SNTB2: variants seen among roughly 807,000 people sequenced by gnomAD.
SNTB2 encodes syntrophin beta 2, also known as beta-2-syntrophin.
Under a neutral mutation model 46.2 loss-of-function variants are expected in SNTB2, and 34 were observed. The ratio of observed to expected loss-of-function variants is 0.74; its 90% CI spans 0.56 to 0.98. The LOEUF (loss-of-function observed/expected upper bound fraction) is 0.98. Ranked by LOEUF, SNTB2 falls within the 50% of genes least tolerant of loss-of-function variation. The pLI, the probability that SNTB2 is intolerant of heterozygous loss-of-function variation, is 0.00. For synonymous variants in SNTB2, 290 were observed against 312.6 expected (o/e 0.93, Z 0.76); for missense variants, 603 against 731.4 (o/e 0.82, Z 2.02).
chr16:69,241,883 C>G (rs988451062), intron 1 of SNTB2: 6 of 133,944 alleles, frequency 4.5e-5, no homozygotes, highest in Admixed American at 4.0e-4. Flanking sequence ...GAGCTGAGAT[C>G]ATGCCACTGC....
intron 1 of SNTB2, among the ~76,000 whole-genome samples, chr16:69,244,592 A>G (rs1043374006): frequency 2.0e-5 from 3 of 152,246 alleles, no homozygotes; most frequent in Non-Finnish European, 4.4e-5. Flanking sequence ...TGACTGAAGT[A>G]AAACAAGTAT....
intron 1 of SNTB2, among the ~76,000 whole-genome samples, chr16:69,233,711 A>G (rs1567403663): frequency 6.6e-6 from 1 of 152,092 alleles, no homozygotes; most frequent in South Asian, 2.1e-4. Flanking sequence ...GTATCTCAAT[A>G]CTTGTAATCC....
chr16:69,250,948 G>A (rs1421471890), intron 2 of SNTB2, among the ~76,000 whole-genome samples: 2 of 151,370 alleles, frequency 1.3e-5, no homozygotes, highest in African/African-American at 4.8e-5. Context: ...ATTTATCTCA[G>A]CTCTGTTAAA....
intron 4 of SNTB2, among the ~76,000 whole-genome samples, chr16:69,275,645 A>G (rs1413698626): frequency 6.6e-6 from 1 of 152,184 alleles, no homozygotes; most frequent in Non-Finnish European, 1.5e-5. Flanking sequence ...GCAAGGCCAG[A>G]AAGTGTTTTT....
chr16:69,244,580 C>T (rs1159877552), intron 1 of SNTB2, among the ~76,000 whole-genome samples: 1 of 152,122 alleles, frequency 6.6e-6, no homozygotes, highest in Non-Finnish European at 1.5e-5. Context: ...TAATTGTAGT[C>T]ATGACTGAAG....
At chr16:69,198,097 GA>G (rs1229468442) in intron 1 of SNTB2, among the ~76,000 whole-genome samples, 24 of 136,260 alleles carry the variant, frequency 1.8e-4, no homozygotes, top group East Asian at 1.0e-3. Flanking sequence ...TAACAGAGTT[GA>G]TTTTTTTTTT....
intron 4 of SNTB2, among the ~76,000 whole-genome samples, chr16:69,272,965 A>G (rs764384970): frequency 2.6e-5 from 4 of 152,158 alleles, no homozygotes; most frequent in Non-Finnish European, 5.9e-5. Context: ...CAAATGGCCA[A>G]TAGGAACATG....
chr16:69,282,093 CG>C (rs1365641146), intron 4 of SNTB2, among the ~76,000 whole-genome samples: 1 of 149,488 alleles, frequency 6.7e-6, no homozygotes, highest in East Asian at 2.1e-4. Flanking sequence ...TTAGTAGAGA[CG>C]GGGTTTTACC....
chr16:69,235,334 G>T (rs192599117), intron 1 of SNTB2, among the ~76,000 whole-genome samples: 1 of 152,036 alleles, frequency 6.6e-6, no homozygotes, highest in East Asian at 1.9e-4. Context: ...TCACTTCCTG[G>T]GCCTAGAACT....
intron 5 of SNTB2, among the ~76,000 whole-genome samples, chr16:69,286,068 C>T (rs1324155111): frequency 6.6e-6 from 1 of 152,118 alleles, no homozygotes; most frequent in African/African-American, 2.4e-5. Context: ...ACCTTGGCCT[C>T]CCAAAGTGCT....
At chr16:69,273,422 C>T (rs576608425) in intron 4 of SNTB2, among the ~76,000 whole-genome samples, 1 of 152,216 alleles carries the variant, frequency 6.6e-6, no homozygotes, top group South Asian at 2.1e-4. Flanking sequence ...CTGATACATT[C>T]TGCAGTGTAG....
chr16:69,288,246 G>A (rs1965124983), intron 5 of SNTB2, among the ~76,000 whole-genome samples: 1 of 152,078 alleles, frequency 6.6e-6, no homozygotes, highest in African/African-American at 2.4e-5. Context: ...GCATTTTTTA[G>A]TTCATGTTGT....
intron 1 of SNTB2, among the ~76,000 whole-genome samples, chr16:69,214,824 GC>G (rs1278437226): frequency 2.0e-5 from 3 of 151,498 alleles, no homozygotes; most frequent in Non-Finnish European, 4.4e-5. Flanking sequence ...ACCGTGCCTG[GC>G]CTGTTTTTTA....
At position 69,304,629 on chromosome 16, in the gene SNTB2, T is replaced by C. The variant is rs1189338378; in HGVS notation, c.*3705T>C. Reference sequence around the variant, plus strand: ...AACAAAGCTTTTCCAGCTGAATGAATGCACTTAGCTGATAAACCAGAATTT... The same window carrying C: ...AACAAAGCTTTTCCAGCTGAATGAACGCACTTAGCTGATAAACCAGAATTT... On this transcript the variant is annotated 3_prime_UTR_variant, in exon 7 of 7. Transcript: ENST00000336278. 6.6e-6 allele frequency: 1 copy of C among 152,176 alleles called. No homozygotes were observed. The highest frequency in any genetic ancestry group is 6.6e-5 in the Admixed American group (1 of 15,258). 9.4% of individuals were successfully genotyped at this position (152,176 alleles called of 1,614,324 possible).
At chr16:69,208,384 C>G (rs1964245511) in intron 1 of SNTB2, among the ~76,000 whole-genome samples, 1 of 143,574 alleles carries the variant, frequency 7.0e-6, no homozygotes. Context: ...CCAGCCTGGG[C>G]AACAAGAGCA....
Position 69,187,647 on chromosome 16 carries a change from G to T in SNTB2, c.481G>T (p.Asp161Tyr). 2 of 1,549,222 alleles carry T rather than the reference G, an allele frequency of 1.3e-6. No homozygotes were observed. The change falls in exon 1 of 7, where the codon GAC becomes TAC. Residue 161 changes from aspartate to tyrosine, a missense_variant. This residue lies in a region of SNTB2 where 537 missense variants were observed against 692.4 expected (regional missense o/e 0.78). Coordinates refer to ENST00000336278, the MANE Select transcript of SNTB2 (RefSeq NM_006750.4). ...ADQSRALRLG[D>Y]AILSVNGTDL... is the part of the protein sequence containing the mutation. Reference sequence around the variant, plus strand: ...CCAGAGCCGGGCGCTGCGGCTGGGCGACGCCATCCTGTCGGTGAACGGCAC... The same window carrying T: ...CCAGAGCCGGGCGCTGCGGCTGGGCTACGCCATCCTGTCGGTGAACGGCAC...
At chr16:69,298,507 C>G (rs1478429792) in intron 5 of SNTB2, among the ~76,000 whole-genome samples, 4 of 141,370 alleles carry the variant, frequency 2.8e-5, no homozygotes, top group African/African-American at 1.1e-4. Context: ...CCAGTTTTAC[C>G]AATTCTTTTT....
chr16:69,225,479 TTGTC>T (rs1567402038), intron 1 of SNTB2, among the ~76,000 whole-genome samples: 1 of 152,256 alleles, frequency 6.6e-6, no homozygotes. Flanking sequence ...GGAAGTTTTG[TTGTC>T]TAGTGGAAAA....
At chr16:69,264,661 G>A (rs138083521) in intron 3 of SNTB2, among the ~76,000 whole-genome samples, 37 of 152,076 alleles carry the variant, frequency 2.4e-4, no homozygotes, top group African/African-American at 7.2e-4. Context: ...ACGCCTGTCC[G>A]AAAAATATGC....
Sources: gnomAD v4.1 joint callset for allele counts (sites outside exome capture counted in the v4.1 genomes callset) on GRCh38, gnomAD v4.1.1 for gene constraint, gnomAD v4.1.1 regional missense constraint, MANE v1.5 for transcripts, NCBI Gene and HGNC (gene_info 2026-07-23, HGNC 2026-07-21) for gene names.